PPP1R1C: variants seen among roughly 807,000 people sequenced by gnomAD.
The protein encoded by PPP1R1C is protein phosphatase 1 regulatory subunit 1C.
A neutral mutation model predicts 17.4 loss-of-function variants in PPP1R1C; 15 were observed. That is an observed-to-expected ratio of 0.86 (90% confidence interval 0.58 to 1.33). The LOEUF (loss-of-function observed/expected upper bound fraction) is 1.33, where lower values mean the gene tolerates loss of function less well. PPP1R1C is among the 40% of genes most tolerant of loss of function. The pLI is 0.00. For synonymous variants in PPP1R1C, 35 were observed against 43.1 expected (o/e 0.81, Z 0.73); for missense variants, 143 against 130.0 (o/e 1.10, Z -0.48).
At position 181,962,350 on chromosome 2, in the gene PPP1R1C, A is replaced by T. The variant is rs1415096457; in HGVS notation, n.111+7716A>T. On this transcript the variant is annotated intron_variant and non_coding_transcript_variant, in intron 1 of 5. Transcript: ENST00000464264. This position sits in a 1 kb window ranked among gnomAD's most constrained non-coding sequence, Gnocchi z 6.0. Reference sequence around the variant, plus strand: ...TGGAGCGGGACACGGATATCCGGGAACCAGAGCCCCCGGCGCCTGCATAGA... The same window carrying T: ...TGGAGCGGGACACGGATATCCGGGATCCAGAGCCCCCGGCGCCTGCATAGA... 1.0e-6 allele frequency: 1 copy of T among 952,582 alleles called. No homozygotes were observed. Among genetic ancestry groups the T allele is most frequent in the East Asian group, 2.5e-5 (1 of 40,720 alleles). The allele number at this position is 952,582 out of a possible 1,614,324, so 59.0% of individuals were successfully genotyped here.
At chr2:182,020,494 A>C (rs1414339538) in intron 2 of PPP1R1C, among the ~76,000 whole-genome samples, 7 of 152,190 alleles carry the variant, frequency 4.6e-5, no homozygotes, top group Non-Finnish European at 8.8e-5. Flanking sequence ...AGAGTAGAAT[A>C]AGTCGTTCCC....
At chr2:182,032,366 A>G (rs1044506963) in intron 2 of PPP1R1C, among the ~76,000 whole-genome samples, 1 of 152,176 alleles carries the variant, frequency 6.6e-6, no homozygotes, top group Non-Finnish European at 1.5e-5. Context: ...TTGCAAACCC[A>G]TTACTCTGCA....
chr2:181,960,510 CA>C (rs1684753326), intron 1 of PPP1R1C, among the ~76,000 whole-genome samples: 1 of 152,192 alleles, frequency 6.6e-6, no homozygotes, highest in African/African-American at 2.4e-5. Context: ...TGGAGCTCTG[CA>C]AAGAGTGAAG....
chr2:181,965,237 T>C lies in PPP1R1C; in HGVS notation n.112-9982T>C, dbSNP rs561073073. On this transcript the variant is annotated intron_variant and non_coding_transcript_variant, in intron 1 of 5. Transcript: ENST00000464264. The stretch of plus-strand genomic sequence containing the variant: ...AATAGTTTGCAAACATTTTCTGCCA[T>C]TTTATGGAGTGTCTTTTTACTTTGT... 2.0e-5 allele frequency among the ~76,000 whole-genome samples: 3 copies of C among 152,278 alleles called. No individual in the cohort carries two copies. In the South Asian group the frequency reaches 6.2e-4, roughly 32 times the overall value.
chr2:181,968,311 T>C (rs1310783208), intron 1 of PPP1R1C, among the ~76,000 whole-genome samples: 1 of 152,230 alleles, frequency 6.6e-6, no homozygotes, highest in East Asian at 1.9e-4. Flanking sequence ...CTCCAGCTAT[T>C]ATTGTATTAG....
chr2:181,972,528 G>A (rs1437005948), intron 1 of PPP1R1C, among the ~76,000 whole-genome samples: 1 of 152,034 alleles, frequency 6.6e-6, no homozygotes. Context: ...ACAAAGTCCA[G>A]AGGATTGAGC....
At chr2:182,029,165 C>A (rs1193400257) in intron 2 of PPP1R1C, among the ~76,000 whole-genome samples, 1 of 147,142 alleles carries the variant, frequency 6.8e-6, no homozygotes, top group East Asian at 2.0e-4. Flanking sequence ...ACTCTTTATC[C>A]AATTTGCCAG....
At chr2:182,088,555 G>A (rs1021110118) in intron 4 of PPP1R1C, among the ~76,000 whole-genome samples, 1 of 152,112 alleles carries the variant, frequency 6.6e-6, no homozygotes, top group Non-Finnish European at 1.5e-5. Flanking sequence ...CAAGGCGATG[G>A]GGACATAGAA....
intron 1 of PPP1R1C, among the ~76,000 whole-genome samples, chr2:181,972,986 G>A (rs1330270431): frequency 6.6e-6 from 1 of 152,110 alleles, no homozygotes; most frequent in African/African-American, 2.4e-5. Context: ...GCAGTATAAT[G>A]AGTCATATGT....
At chr2:182,046,600 G>A (rs923424155) in intron 2 of PPP1R1C, among the ~76,000 whole-genome samples, 6 of 151,474 alleles carry the variant, frequency 4.0e-5, no homozygotes, top group Non-Finnish European at 8.8e-5. Flanking sequence ...GTAGCCTGAC[G>A]TGGTGGCATG....
At chr2:182,113,667 CTT>C (rs770510284) in intron 4 of PPP1R1C, among the ~76,000 whole-genome samples, 1 of 145,210 alleles carries the variant, frequency 6.9e-6, no homozygotes, top group East Asian at 2.0e-4. Flanking sequence ...CCCTTATACT[CTT>C]TTTTTTTTTT....
intron 4 of PPP1R1C, among the ~76,000 whole-genome samples, chr2:182,100,201 G>C (rs986054927): frequency 3.3e-5 from 5 of 152,098 alleles, no homozygotes; most frequent in African/African-American, 1.2e-4. Flanking sequence ...CTCAAAAGGA[G>C]ATTCCAGGGA....
chr2:182,002,052 C>T (rs370493587), intron 2 of PPP1R1C, among the ~76,000 whole-genome samples: 1 of 152,078 alleles, frequency 6.6e-6, no homozygotes, highest in African/African-American at 2.4e-5. Context: ...ACATGCGTAT[C>T]ATTGTGGACA....
chr2:182,051,204 T>C (rs1249318058), intron 2 of PPP1R1C, among the ~76,000 whole-genome samples: 1 of 152,246 alleles, frequency 6.6e-6, no homozygotes, highest in Admixed American at 6.5e-5. Context: ...ATCTTATTAG[T>C]GTTTTTTGTG....
chr2:182,044,156 C>T (rs1559069714), intron 2 of PPP1R1C, among the ~76,000 whole-genome samples: 1 of 152,180 alleles, frequency 6.6e-6, no homozygotes. Context: ...AACTGAGCTA[C>T]CTGTATCCAG....
At chr2:182,077,018 T>G (rs1482400287) in intron 4 of PPP1R1C, among the ~76,000 whole-genome samples, 1 of 152,216 alleles carries the variant, frequency 6.6e-6, no homozygotes, top group East Asian at 1.9e-4. Context: ...TATTATTAAT[T>G]AATTTTTTAC....
At chr2:181,963,893 A>T (rs1407482762) in intron 1 of PPP1R1C, among the ~76,000 whole-genome samples, 2 of 152,112 alleles carry the variant, frequency 1.3e-5, no homozygotes, top group African/African-American at 4.8e-5. Context: ...CATACAATGC[A>T]TAATAATTAA....
chr2:182,012,932 C>T (rs1049031198), intron 2 of PPP1R1C, among the ~76,000 whole-genome samples: 4 of 151,982 alleles, frequency 2.6e-5, no homozygotes, highest in Non-Finnish European at 2.9e-5. Context: ...ACACCCCCAC[C>T]GCTTTTTAAC....
chr2:182,046,603 G>A (rs1477987609), intron 2 of PPP1R1C, among the ~76,000 whole-genome samples: 1 of 151,764 alleles, frequency 6.6e-6, no homozygotes, highest in Non-Finnish European at 1.5e-5. Context: ...GCCTGACGTG[G>A]TGGCATGCGC....
Sources: gnomAD v4.1 joint callset for allele counts (sites outside exome capture counted in the v4.1 genomes callset) on GRCh38, gnomAD v4.1.1 for gene constraint, Gnocchi (gnomAD v3.1) non-coding constraint, MANE v1.5 for transcripts, NCBI Gene and HGNC (gene_info 2026-07-23, HGNC 2026-07-21) for gene names.